The following ZNF423 variants were observed in gnomAD, a reference collection of about 807,000 sequenced individuals.
ZNF423 encodes Ebf-associated zinc finger protein.
Under a neutral mutation model 95.8 loss-of-function variants are expected in ZNF423, and 12 were observed. The observed-to-expected ratio is 0.13, with a 90% CI of 0.08 to 0.20. The LOEUF is 0.20. ZNF423 is among the 10% of genes least tolerant of loss of function. The probability of loss-of-function intolerance (pLI) is 1.00; values close to 1 mark genes in which losing one functional copy is unlikely to be tolerated. For synonymous variants in ZNF423, 749 were observed against 711.9 expected (o/e 1.05, Z -0.83); for missense variants, 1,316 against 1,737.1 (o/e 0.76, Z 4.31).
chr16:49,621,010 C>G (rs1490779622), intron 5 of ZNF423, among the ~76,000 whole-genome samples: 1 of 152,190 alleles, frequency 6.6e-6, no homozygotes, highest in East Asian at 1.9e-4. Context: ...CCCCCATAAG[C>G]CTCCCTCTCT....
chr16:49,835,574 G>A (rs1343076048), intron 1 of ZNF423, among the ~76,000 whole-genome samples: 1 of 152,192 alleles, frequency 6.6e-6, no homozygotes, highest in East Asian at 1.9e-4. Flanking sequence ...GCGGGCCAGT[G>A]GGCAGCCTCC....
chr16:49,538,695 A>T (rs1241750625), intron 5 of ZNF423, among the ~76,000 whole-genome samples: 2 of 152,102 alleles, frequency 1.3e-5, no homozygotes. Flanking sequence ...GGCCTCACTC[A>T]TTCCTGAGGG....
intron 5 of ZNF423, among the ~76,000 whole-genome samples, chr16:49,553,079 A>G (rs890942179): frequency 6.6e-6 from 1 of 152,186 alleles, no homozygotes; most frequent in African/African-American, 2.4e-5. Context: ...ATTTAAAAAA[A>G]ATATCAAACA....
intron 1 of ZNF423, among the ~76,000 whole-genome samples, chr16:49,831,376 A>T (rs1383767393): frequency 1.3e-5 from 2 of 152,184 alleles, no homozygotes; most frequent in African/African-American, 4.8e-5. Context: ...GGAGAAACAA[A>T]TCATATAGGG....
At position 49,849,226 on chromosome 16, in the gene ZNF423, C is replaced by G. The variant is rs146357171; in HGVS notation, c.40+6509G>C. 5.9e-4 allele frequency among the ~76,000 whole-genome samples: 90 copies of G among 152,240 alleles called. 1 individual carries two copies. In the Middle Eastern group the frequency reaches 0.014, roughly 23 times the overall value. ...ATTTTCTTATGAGACCCCTTCTACC[C>G]TTCTACATGACGTCATTCAGGATCC... is the stretch of plus-strand genomic sequence containing the variant. On this transcript the variant is annotated intron_variant, in intron 1 of 7. Coordinates refer to ENST00000563137, the MANE Select transcript of ZNF423 (RefSeq NM_001379286.1).
At chr16:49,700,559 G>C (rs1214464454) in intron 3 of ZNF423, among the ~76,000 whole-genome samples, 1 of 152,238 alleles carries the variant, frequency 6.6e-6, no homozygotes, top group East Asian at 1.9e-4. Flanking sequence ...AGGAAAATCA[G>C]GCTGGAGAAA....
At chr16:49,773,752 C>T (rs2034075435) in intron 2 of ZNF423, among the ~76,000 whole-genome samples, 1 of 152,168 alleles carries the variant, frequency 6.6e-6, no homozygotes, top group Admixed American at 6.5e-5. Context: ...CCTCTCTGAG[C>T]CTCAATTTCC....
At position 49,605,491 on chromosome 16, in the gene ZNF423, T is replaced by A. The variant is rs116032350; in HGVS notation, c.3601+20679A>T. 5.4e-3 allele frequency among the ~76,000 whole-genome samples: 829 copies of A among 152,278 alleles called. 5 individuals are homozygous for A. Among genetic ancestry groups the A allele is most frequent in the African/African-American group, 0.019 (800 of 41,564 alleles). On this transcript the variant is annotated intron_variant, in intron 5 of 7. Coordinates refer to ENST00000563137, the MANE Select transcript of ZNF423 (RefSeq NM_001379286.1). ...AGAGCAGCAAGCCCCTTCTAGACAC[T>A]GCTCCAAACAAAGAGAGAACTCCAA...
chr16:49,694,212 G>A (rs1365512731), intron 3 of ZNF423, among the ~76,000 whole-genome samples: 1 of 152,182 alleles, frequency 6.6e-6, no homozygotes, highest in Non-Finnish European at 1.5e-5. Flanking sequence ...GGAGGGAGAG[G>A]GAGGGAGACT....
At chr16:49,658,533 G>T (rs891151923) in intron 3 of ZNF423, among the ~76,000 whole-genome samples, 1 of 152,244 alleles carries the variant, frequency 6.6e-6, no homozygotes. Context: ...TTGTAGCTGG[G>T]CTGTTGAGCC....
intron 1 of ZNF423, among the ~76,000 whole-genome samples, chr16:49,814,775 A>G (rs2034810682): frequency 6.6e-6 from 1 of 150,738 alleles, no homozygotes; most frequent in African/African-American, 2.4e-5. Context: ...CAAACCCAGG[A>G]GCATGACCCA....
chr16:49,618,750 G>A (rs1234706713), intron 5 of ZNF423, among the ~76,000 whole-genome samples: 1 of 152,128 alleles, frequency 6.6e-6, no homozygotes, highest in East Asian at 1.9e-4. Context: ...CAGTCCCTAA[G>A]AGCTCTTCCT....
intron 5 of ZNF423, among the ~76,000 whole-genome samples, chr16:49,564,351 T>C (rs7198698): frequency 0.35 from 53,138 of 152,010 alleles, 9,413 homozygotes; most frequent in East Asian, 0.49. Flanking sequence ...ATCTCTCTTT[T>C]GGCATGCTGG....
At chr16:49,634,639 C>T (rs1174024069) in intron 4 of ZNF423, among the ~76,000 whole-genome samples, 1 of 152,216 alleles carries the variant, frequency 6.6e-6, no homozygotes, top group Non-Finnish European at 1.5e-5. Flanking sequence ...ATCCTGCCTC[C>T]CTGCCAATGG....
At chr16:49,681,543 G>C (rs2031355596) in intron 3 of ZNF423, among the ~76,000 whole-genome samples, 1 of 152,182 alleles carries the variant, frequency 6.6e-6, no homozygotes, top group Non-Finnish European at 1.5e-5. Flanking sequence ...TAAATGACAG[G>C]GTGTGTGCAG....
chr16:49,674,988 A>T (rs1263260036), intron 3 of ZNF423, among the ~76,000 whole-genome samples: 1 of 152,150 alleles, frequency 6.6e-6, no homozygotes, highest in Non-Finnish European at 1.5e-5. Context: ...GGTAGACAGG[A>T]TGGCAAGCAG....
rs550138409 is a variant in ZNF423 at position 49,610,624 on chromosome 16, A to T, written c.3601+15546T>A. 3.9e-5 allele frequency among the ~76,000 whole-genome samples: 6 copies of T among 152,230 alleles called. No individual in the cohort carries two copies. The South Asian group carries it at 1.2e-3, about 32-fold the overall frequency. The stretch of plus-strand genomic sequence containing the variant: ...AAGGAAAAAAGTAAACCACAAATGA[A>T]AAACAGAAAATAAAATATAAAATGG... On this transcript the variant is annotated intron_variant, in intron 5 of 7. Coordinates refer to ENST00000563137, the MANE Select transcript of ZNF423 (RefSeq NM_001379286.1).
chr16:49,656,880 A>G (rs1311710746), intron 3 of ZNF423, among the ~76,000 whole-genome samples: 1 of 152,160 alleles, frequency 6.6e-6, no homozygotes, highest in Non-Finnish European at 1.5e-5. Flanking sequence ...AGATGAGAAA[A>G]CTGAGGCTTA....
Position 49,637,325 on chromosome 16 carries a change from A to C in ZNF423, c.1851T>G (p.Asp617Glu). ...SKAEQSPVSS[D>E]VEVSSPKRQR... ...GCCGCTTCGGGGAAGACACCTCCAC[A>C]TCGGACGAGACTGGGCTCTGCTCGG... The change falls in exon 4 of 8, where the codon GAT becomes GAG. Residue 617 changes from aspartate (D) to glutamate (E), a missense_variant. Physicochemically the swap from Asp to Glu is conservative, Grantham distance 45. Transcript: ENST00000563137. The surrounding 1 kb of genome is among the most constrained non-coding windows in gnomAD (Gnocchi z 5.6). The C allele has an allele frequency of 6.2e-7, 1 of 1,614,214 alleles. No individual in the cohort carries two copies.
Sources: allele counts gnomAD v4.1 joint callset (sites outside exome capture counted in the v4.1 genomes callset), GRCh38; gene constraint gnomAD v4.1.1; non-coding constraint Gnocchi (gnomAD v3.1); transcripts MANE v1.5; gene names NCBI Gene and HGNC (gene_info 2026-07-23, HGNC 2026-07-21).